LARGE1: variants seen among roughly 807,000 people sequenced by gnomAD.
LARGE1 encodes the protein xylosyl- and glucuronyltransferase LARGE1.
LARGE1 carries 43 observed loss-of-function variants against 87.6 expected under a neutral mutation model. That is an observed-to-expected ratio of 0.49 (90% CI 0.38 to 0.63). The LOEUF (loss-of-function observed/expected upper bound fraction) is 0.63. Among genes scored for constraint, LARGE1 ranks in the 30% least tolerant of loss-of-function variants. LARGE1 has a pLI of 0.00. For missense variants in LARGE1, 802 were observed against 1,000.2 expected (o/e 0.80, Z 2.67); for synonymous variants, 434 against 394.6 (o/e 1.10, Z -1.18).
chr22:33,566,643 G>A (rs536195788), intron 5 of LARGE1, among the ~76,000 whole-genome samples: 4 of 152,336 alleles, frequency 2.6e-5, no homozygotes, highest in Admixed American at 2.6e-4. Flanking sequence ...AAGCCGAGAG[G>A]GATGCCGCTG....
At chr22:33,569,879 A>G (rs905290585) in intron 5 of LARGE1, among the ~76,000 whole-genome samples, 6 of 152,266 alleles carry the variant, frequency 3.9e-5, no homozygotes, top group Non-Finnish European at 8.8e-5. Flanking sequence ...GACTGTGGTA[A>G]CAACACAGTA....
intron 4 of LARGE1, among the ~76,000 whole-genome samples, chr22:33,606,300 G>C (rs887334469): frequency 1.3e-5 from 2 of 152,000 alleles, no homozygotes; most frequent in African/African-American, 4.8e-5. Flanking sequence ...AGCTACTTGG[G>C]AGGCTGAGGC....
At chr22:33,296,649 A>T (rs1933315083) in intron 12 of LARGE1, among the ~76,000 whole-genome samples, 1 of 150,634 alleles carries the variant, frequency 6.6e-6, no homozygotes, top group South Asian at 2.1e-4. Flanking sequence ...TCTCACCGCA[A>T]TGTCTGCCTC....
intron 1 of LARGE1, among the ~76,000 whole-genome samples, chr22:33,857,940 T>A (rs2063800932): frequency 6.6e-6 from 1 of 152,108 alleles, no homozygotes; most frequent in Non-Finnish European, 1.5e-5. Flanking sequence ...ACTCCCAAGA[T>A]CGTGGCGGGC....
At chr22:33,802,673 C>G (rs1418441065) in intron 1 of LARGE1, among the ~76,000 whole-genome samples, 1 of 152,172 alleles carries the variant, frequency 6.6e-6, no homozygotes, top group Non-Finnish European at 1.5e-5. Context: ...TCTCCCCACT[C>G]AACCCACCAA....
intron 1 of LARGE1, among the ~76,000 whole-genome samples, chr22:33,764,053 T>C (rs1180687036): frequency 6.6e-6 from 1 of 151,914 alleles, no homozygotes; most frequent in African/African-American, 2.4e-5. Context: ...TTTCACCATC[T>C]TGGCCAAGAT....
chr22:33,256,109 G>A (rs1927248687), intron 11 of LARGE1, among the ~76,000 whole-genome samples: 1 of 152,212 alleles, frequency 6.6e-6, no homozygotes, highest in South Asian at 2.1e-4. Context: ...GGAACTGTCA[G>A]CAAGACAAGC....
intron 13 of LARGE1, 28 bp downstream of exon 13, chr22:33,283,174 C>T (rs752895182): frequency 1.9e-6 from 3 of 1,613,586 alleles, no homozygotes; most frequent in Admixed American, 1.7e-5. Flanking sequence ...TCGAGCACCC[C>T]CAGAGTACAG....
chr22:33,816,665 C>CGGAT (rs1556115435), intron 1 of LARGE1, among the ~76,000 whole-genome samples: 12,059 of 125,300 alleles, frequency 0.096, 681 homozygotes, highest in South Asian at 0.25. Flanking sequence ...GACGGATGCA[C>CGGAT]GGATGGATGG....
At chr22:33,753,870 G>C (rs1292618842) in intron 2 of LARGE1, among the ~76,000 whole-genome samples, 3 of 152,092 alleles carry the variant, frequency 2.0e-5, no homozygotes, top group African/African-American at 7.2e-5. Context: ...GACCAGCCTG[G>C]CCAACATGGT....
intron 1 of LARGE1, among the ~76,000 whole-genome samples, chr22:33,822,185 A>G (rs2086846621): frequency 6.6e-6 from 1 of 152,186 alleles, no homozygotes; most frequent in South Asian, 2.1e-4. Context: ...TGGGAGCTAC[A>G]AACATGTCTG....
chr22:33,522,887 A>C (rs1452250287), intron 6 of LARGE1, among the ~76,000 whole-genome samples: 1 of 151,842 alleles, frequency 6.6e-6, no homozygotes, highest in African/African-American at 2.4e-5. Context: ...ACACACCTGT[A>C]GTCTCAGTTA....
intron 2 of LARGE1, among the ~76,000 whole-genome samples, chr22:33,708,103 C>A (rs2082615871): frequency 6.6e-6 from 1 of 152,156 alleles, no homozygotes; most frequent in Non-Finnish European, 1.5e-5. Context: ...CCCTTGGCCA[C>A]TGTGTAGAAT....
chr22:33,821,130 A>C (rs2086801916), intron 1 of LARGE1, among the ~76,000 whole-genome samples: 1 of 152,196 alleles, frequency 6.6e-6, no homozygotes. Flanking sequence ...CCAGTTTAAG[A>C]ATCTCTAATT....
chr22:33,508,470 A>T (rs1306754418), intron 6 of LARGE1, among the ~76,000 whole-genome samples: 1 of 152,238 alleles, frequency 6.6e-6, no homozygotes, highest in Non-Finnish European at 1.5e-5. Context: ...TTGGTAACTC[A>T]ACACTAAAGT....
chr22:33,616,344 C>T (rs1298727934), intron 4 of LARGE1, among the ~76,000 whole-genome samples: 1 of 151,300 alleles, frequency 6.6e-6, no homozygotes, highest in Non-Finnish European at 1.5e-5. Context: ...CTGTCTCTCC[C>T]AAAAACAAAA....
chr22:33,490,856 C>A (rs1298487316), intron 6 of LARGE1, among the ~76,000 whole-genome samples: 1 of 152,224 alleles, frequency 6.6e-6, no homozygotes, highest in East Asian at 1.9e-4. Context: ...TGCTCCACTT[C>A]TTGAGTTTTC....
At chr22:33,319,659 G>C (rs1406870432) in intron 10 of LARGE1, among the ~76,000 whole-genome samples, 1 of 152,182 alleles carries the variant, frequency 6.6e-6, no homozygotes, top group African/African-American at 2.4e-5. Flanking sequence ...CCCTCCCAAA[G>C]TGTTGAGATT....
At chr22:33,560,335 A>G (rs1409419650) in intron 6 of LARGE1, among the ~76,000 whole-genome samples, 2 of 152,172 alleles carry the variant, frequency 1.3e-5, no homozygotes, top group Admixed American at 6.5e-5. Context: ...CCTGAATGAT[A>G]CCCAGTGGCA....
Sources: gnomAD v4.1 joint callset for allele counts (sites outside exome capture counted in the v4.1 genomes callset) on GRCh38, gnomAD v4.1.1 for gene constraint, MANE v1.5 for transcripts, NCBI Gene and HGNC (gene_info 2026-07-23, HGNC 2026-07-21) for gene names.